The following ADAMTS12 variants were observed in gnomAD, a reference collection of about 807,000 sequenced individuals.
ADAMTS12 encodes the protein ADAM metallopeptidase with thrombospondin type 1 motif 12.
ADAMTS12 carries 118 observed loss-of-function variants against 167.8 expected under a neutral mutation model. That is an observed-to-expected ratio of 0.70 (90% CI 0.61 to 0.82). The LOEUF is 0.82. ADAMTS12 is among the 40% of genes least tolerant of loss of function. ADAMTS12 has a pLI of 0.00. For missense variants in ADAMTS12, 1,916 were observed against 1,998.8 expected, an observed-to-expected ratio of 0.96 and a Z score of 0.79; for synonymous variants, 704 against 716.9, an observed-to-expected ratio of 0.98 and a Z score of 0.29.
At chr5:33,721,234 C>T (rs997306024) in intron 3 of ADAMTS12, among the ~76,000 whole-genome samples, 2 of 152,150 alleles carry the variant, frequency 1.3e-5, no homozygotes, top group African/African-American at 2.4e-5. Flanking sequence ...AATAAAGAGG[C>T]CCCGGAGAGT....
intron 2 of ADAMTS12, among the ~76,000 whole-genome samples, chr5:33,834,932 C>T (rs948476327): frequency 5.9e-5 from 9 of 152,162 alleles, no homozygotes; most frequent in Non-Finnish European, 1.2e-4. Context: ...CCCAATGGCC[C>T]TTGCAGGGAG....
intron 3 of ADAMTS12, among the ~76,000 whole-genome samples, chr5:33,720,284 T>TCACA (rs3071626): frequency 0.058 from 8,618 of 147,502 alleles, 625 homozygotes; most frequent in African/African-American, 0.17. Context: ...TCTCTCTCAC[T>TCACA]CACACACACA....
At chr5:33,832,968 C>A (rs918769447) in intron 2 of ADAMTS12, among the ~76,000 whole-genome samples, 5 of 152,180 alleles carry the variant, frequency 3.3e-5, no homozygotes, top group African/African-American at 1.2e-4. Flanking sequence ...CAGTCAATAT[C>A]ATCTCTCTTG....
intron 2 of ADAMTS12, among the ~76,000 whole-genome samples, chr5:33,871,480 G>C (rs890132044): frequency 6.6e-6 from 1 of 151,974 alleles, no homozygotes; most frequent in African/African-American, 2.4e-5. Flanking sequence ...ATAGTATTTA[G>C]TGATATATAA....
At chr5:33,710,575 T>C (rs975592009) in intron 3 of ADAMTS12, among the ~76,000 whole-genome samples, 1 of 152,216 alleles carries the variant, frequency 6.6e-6, no homozygotes, top group African/African-American at 2.4e-5. Flanking sequence ...AATAATGACA[T>C]GGCTCCTGGC....
chr5:33,691,378 A>G (rs945263364), intron 3 of ADAMTS12, among the ~76,000 whole-genome samples: 33 of 152,330 alleles, frequency 2.2e-4, no homozygotes, highest in African/African-American at 7.5e-4. Context: ...GAAGGAAGTG[A>G]GATTCAATGA....
In ADAMTS12 at chr5:33,534,838, C is replaced by G; in HGVS notation, c.4601G>C (p.Ser1534Thr). 6.2e-7 allele frequency: 1 copy of G among 1,612,132 alleles called. No individual in the cohort carries two copies. The highest frequency in any genetic ancestry group is 8.5e-7 in the Non-Finnish European group (1 of 1,179,376). Reference protein sequence around the residue: ...KKCNQQACKKSADLLCTKDKL... With the variant: ...KKCNQQACKKTADLLCTKDKL... ...GAGCAAACCCATTCACCCACCGGCA[C>G]TTTTCTTGCAGGCCTGCTGGTTGCA... Residue 1534 changes from serine to threonine, a missense_variant, in exon 23 of 24, where the codon AGT becomes ACT. Ser to Thr is a moderately conservative substitution (Grantham distance 58, BLOSUM62 1). Transcript: ENST00000504830.
chr5:33,735,209 C>T (rs546299273), intron 3 of ADAMTS12, among the ~76,000 whole-genome samples: 4 of 152,168 alleles, frequency 2.6e-5, no homozygotes, highest in Non-Finnish European at 5.9e-5. Flanking sequence ...AAAGAAATAG[C>T]TCTCCAAAGT....
At chr5:33,557,263 T>G (rs1745527027) in intron 20 of ADAMTS12, among the ~76,000 whole-genome samples, 1 of 152,144 alleles carries the variant, frequency 6.6e-6, no homozygotes, top group African/African-American at 2.4e-5. Flanking sequence ...TGTAGAAAAT[T>G]CCAGGTAAAA....
chr5:33,732,236 T>C (rs558608474), intron 3 of ADAMTS12, among the ~76,000 whole-genome samples: 2 of 151,886 alleles, frequency 1.3e-5, no homozygotes, highest in South Asian at 4.2e-4. Context: ...ATAGAAGTGC[T>C]AAAAAAAATA....
intron 1 of ADAMTS12, among the ~76,000 whole-genome samples, chr5:33,889,555 A>C (rs1750769874): frequency 6.6e-6 from 1 of 152,164 alleles, no homozygotes; most frequent in African/African-American, 2.4e-5. Context: ...TTTCCTTCTT[A>C]ATTCTAAATG....
chr5:33,547,856 G>T (rs1158090295), intron 21 of ADAMTS12, among the ~76,000 whole-genome samples: 2 of 152,312 alleles, frequency 1.3e-5, no homozygotes, highest in African/African-American at 4.8e-5. Context: ...CCTGGATTCT[G>T]GAAGCTGCTG....
At position 33,610,189 on chromosome 5, in the gene ADAMTS12, C is replaced by T. The variant is rs914501790; in HGVS notation, c.2527+4049G>A. On this transcript the variant is annotated intron_variant, in intron 16 of 23. Coordinates refer to ENST00000504830, the MANE Select transcript of ADAMTS12 (RefSeq NM_030955.4). The stretch of plus-strand genomic sequence containing the variant: ...AGAATGAAACTCTGTCTCAAACAAA[C>T]GAACAACAACAGCAACAACAAAAAA... Among the ~76,000 whole-genome samples the T allele has an allele frequency of 5.9e-5, 9 of 152,000 alleles. No homozygotes were observed. In the East Asian group the frequency reaches 7.7e-4, roughly 13 times the overall value.
chr5:33,797,697 T>G (rs924620303), intron 2 of ADAMTS12, among the ~76,000 whole-genome samples: 1 of 152,190 alleles, frequency 6.6e-6, no homozygotes, highest in Non-Finnish European at 1.5e-5. Flanking sequence ...TAAGGATTAA[T>G]GGAATTGTAT....
At position 33,751,354 on chromosome 5, in the gene ADAMTS12, A is replaced by G. The variant is rs760837824; in HGVS notation, c.634+50T>C. On this transcript the variant is annotated intron_variant, in intron 3 of 23. Transcript: ENST00000504830. ...AGGTCATGTTTTAATAAAACAACCAAAAGAACAAAACAGATTCTTCAACCC... is the reference window on the plus strand; with the variant it reads ...AGGTCATGTTTTAATAAAACAACCAGAAGAACAAAACAGATTCTTCAACCC... 4 of 1,613,446 alleles carry G rather than the reference A, an allele frequency of 2.5e-6. No homozygotes were observed. The Admixed American group carries it at 6.7e-5, about 27-fold the overall frequency.
At chr5:33,626,676 T>G (rs555854904) in intron 13 of ADAMTS12, among the ~76,000 whole-genome samples, 1 of 147,314 alleles carries the variant, frequency 6.8e-6, no homozygotes, top group East Asian at 2.2e-4. Context: ...GTGGTGGTGA[T>G]TTGATGGTGG....
Position 33,839,373 on chromosome 5 carries a change from C to G in ADAMTS12, c.489+41746G>C, listed in dbSNP as rs182861327. 3.7e-4 allele frequency among the ~76,000 whole-genome samples: 57 copies of G among 152,320 alleles called. 1 individual carries two copies. The highest frequency in any genetic ancestry group is 1.2e-3 in the African/African-American group (49 of 41,572). On this transcript the variant is annotated intron_variant, in intron 2 of 23. Coordinates refer to ENST00000504830, the MANE Select transcript of ADAMTS12 (RefSeq NM_030955.4). ...TCAATATGAGGGACTGTAGGTTTAA[C>G]CGTATTTTAGACCTGAATTTTGGTG... is the stretch of plus-strand genomic sequence containing the variant.
chr5:33,734,095 AG>A (rs1395541376), intron 3 of ADAMTS12, among the ~76,000 whole-genome samples: 3 of 151,830 alleles, frequency 2.0e-5, no homozygotes, highest in Admixed American at 2.0e-4. Flanking sequence ...TGAGCAGACA[AG>A]GAGGGAGGCA....
intron 2 of ADAMTS12, among the ~76,000 whole-genome samples, chr5:33,779,184 ATTTT>A (rs58073487): frequency 0.25 from 34,051 of 135,416 alleles, 4,200 homozygotes; most frequent in East Asian, 0.43. Context: ...TGAAATTAGT[ATTTT>A]TTTTTTTTTT....
Sources: allele counts gnomAD v4.1 joint callset (sites outside exome capture counted in the v4.1 genomes callset), GRCh38; gene constraint gnomAD v4.1.1; transcripts MANE v1.5; gene names NCBI Gene and HGNC (gene_info 2026-07-23, HGNC 2026-07-21).